Variants in APCDD1L observed in about 807,000 individuals in gnomAD.
APCDD1L encodes the protein protein APCDD1-like.
APCDD1L carries 21 observed loss-of-function variants against 24.2 expected under a neutral mutation model. The ratio of observed to expected loss-of-function variants is 0.87; its 90% CI spans 0.61 to 1.25. The LOEUF is 1.25. Ranked by LOEUF, APCDD1L falls within the 50% of genes most tolerant of loss-of-function variation. The pLI, the probability that APCDD1L is intolerant of heterozygous loss-of-function variation, is 0.00. For missense variants in APCDD1L, 704 were observed against 711.7 expected, an observed-to-expected ratio of 0.99 and a Z score of 0.12; for synonymous variants, 321 against 323.6, an observed-to-expected ratio of 0.99 and a Z score of 0.09.
chr20:58,468,061 C>T (rs1389042679), intron 2 of APCDD1L, among the ~76,000 whole-genome samples: 6 of 152,106 alleles, frequency 3.9e-5, no homozygotes, highest in Non-Finnish European at 7.4e-5. Context: ...AATGGAGGCC[C>T]GTCTTGTCTC....
chr20:58,514,984 C>T lies in APCDD1L; in HGVS notation c.-277G>A. 1 of 335,552 alleles carries T rather than the reference C, an allele frequency of 3.0e-6. No homozygotes were observed. The highest frequency in any genetic ancestry group is 5.4e-6 in the Non-Finnish European group (1 of 186,306). 20.8% of individuals were successfully genotyped at this position (335,552 alleles called of 1,614,324 possible). On this transcript the variant is annotated 5_prime_UTR_variant, in exon 1 of 4. Transcript: ENST00000371149. Reference sequence around the variant, plus strand: ...CGCACACCCGCGCAGCGCGCACAGCCCCCTGGTGCAGCTCCTGCCATTCAG... The same window carrying T: ...CGCACACCCGCGCAGCGCGCACAGCTCCCTGGTGCAGCTCCTGCCATTCAG...
intron 2 of APCDD1L, among the ~76,000 whole-genome samples, chr20:58,468,996 T>C (rs1291805958): frequency 6.6e-6 from 1 of 152,214 alleles, no homozygotes; most frequent in Non-Finnish European, 1.5e-5. Flanking sequence ...TCAGAGCTAA[T>C]GTGTCTTTAA....
At chr20:58,471,407 A>G (rs1989810267) in intron 1 of APCDD1L, among the ~76,000 whole-genome samples, 1 of 152,258 alleles carries the variant, frequency 6.6e-6, no homozygotes. Flanking sequence ...GTGTGAGGCC[A>G]AACAATGCAG....
intron 2 of APCDD1L, among the ~76,000 whole-genome samples, chr20:58,469,068 C>G (rs6026293): frequency 0.41 from 62,527 of 151,902 alleles, 13,212 homozygotes; most frequent in African/African-American, 0.46. Flanking sequence ...AACAGATCTA[C>G]AGAGGATTTA....
intron 2 of APCDD1L, 33 bp downstream of exon 2, chr20:58,470,576 G>A (rs1418292245): frequency 6.4e-7 from 1 of 1,562,892 alleles, no homozygotes; most frequent in Non-Finnish European, 8.7e-7. Context: ...TCCCAGTCCA[G>A]GGGTCCATGG....
At position 58,470,735 on chromosome 20, in the gene APCDD1L, G is replaced by T. The variant is rs112628550; in HGVS notation, c.62C>A (p.Pro21Gln). The stretch of plus-strand genomic sequence containing the variant: ...GCTGCCCCCGGCCTCCCCAGCCGCC[G>T]GTGCAGTGTGGGCTGCAAAGCAGAC... ...VLVLLGAHTA[P>Q]AAGEAGGSCL... The change falls in exon 2 of 4, where the codon CCG becomes CAG. Residue 21 changes from proline to glutamine, a missense_variant. Physicochemically the swap from Pro to Gln is moderately conservative, Grantham distance 76. Transcript: ENST00000371149. 8.5e-6 allele frequency: 13 copies of T among 1,537,854 alleles called. No individual in the cohort carries two copies. The highest frequency in any genetic ancestry group is 2.4e-5 in the East Asian group (1 of 40,964).
At chr20:58,491,359 CAA>C (rs1465603258) in intron 1 of APCDD1L, among the ~76,000 whole-genome samples, 4 of 152,110 alleles carry the variant, frequency 2.6e-5, no homozygotes, top group Non-Finnish European at 4.4e-5. Flanking sequence ...TGTAAAAACT[CAA>C]AATCTACAGA....
At chr20:58,466,230 A>G (rs913244996) in intron 3 of APCDD1L, among the ~76,000 whole-genome samples, 20 of 151,932 alleles carry the variant, frequency 1.3e-4, no homozygotes, top group Admixed American at 8.5e-4. Context: ...ATCAGCTTCA[A>G]TGAAATTCGT....
At chr20:58,480,814 T>G (rs1014223462) in intron 1 of APCDD1L, among the ~76,000 whole-genome samples, 28 of 152,186 alleles carry the variant, frequency 1.8e-4, no homozygotes, top group Admixed American at 1.2e-3. Context: ...ATAATGCTAA[T>G]TATTCTTGCT....
chr20:58,460,878 T>C lies in APCDD1L; in HGVS notation c.1418A>G (p.Gln473Arg). 6.3e-7 allele frequency: 1 copy of C among 1,593,624 alleles called. No individual in the cohort carries two copies. Among genetic ancestry groups the C allele is most frequent in the African/African-American group, 1.3e-5 (1 of 74,478 alleles). The part of the protein sequence containing the change: ...SRPPQHRPSL[Q>R]KHPSTGGLHI... ...AAGACCCCCTGTGCTGGGGTGCTTC[T>C]GCAGCGATGGCCTGTGCTGCGGTGG... Residue 473 changes from glutamine (Q) to arginine (R), a missense_variant, in exon 4 of 4, where the codon CAG (glutamine) becomes CGG (arginine). Physicochemically the swap from Gln to Arg is conservative, Grantham distance 43. Transcript: ENST00000371149. This position sits in a 1 kb window ranked among gnomAD's most constrained non-coding sequence, Gnocchi z 4.2.
chr20:58,464,696 T>C (rs971348148), intron 3 of APCDD1L, among the ~76,000 whole-genome samples: 6 of 152,202 alleles, frequency 3.9e-5, no homozygotes, highest in Non-Finnish European at 7.3e-5. Flanking sequence ...GGGGATCAAA[T>C]TGGTTTTAAA....
intron 1 of APCDD1L, among the ~76,000 whole-genome samples, chr20:58,472,266 A>C (rs1989826225): frequency 6.6e-6 from 1 of 152,098 alleles, no homozygotes; most frequent in African/African-American, 2.4e-5. Context: ...CTGGGTGTGG[A>C]CCCCTTGCTC....
intron 1 of APCDD1L, among the ~76,000 whole-genome samples, chr20:58,512,348 G>A (rs1990644120): frequency 6.6e-6 from 1 of 152,216 alleles, no homozygotes; most frequent in Non-Finnish European, 1.5e-5. Context: ...TCATACCAGT[G>A]ATTCTCAACT....
In APCDD1L at chr20:58,460,751, T is replaced by A; in HGVS notation, c.*39A>T. The A allele has an allele frequency of 1.3e-6, 2 of 1,506,840 alleles. No homozygotes were observed. Among genetic ancestry groups the A allele is most frequent in the Non-Finnish European group, 1.8e-6 (2 of 1,127,782 alleles). 93.3% of individuals were successfully genotyped at this position (1,506,840 alleles called of 1,614,324 possible). On this transcript the variant is annotated 3_prime_UTR_variant, in exon 4 of 4. Coordinates refer to ENST00000371149, the MANE Select transcript of APCDD1L (RefSeq NM_153360.3). This position sits in a 1 kb window ranked among gnomAD's most constrained non-coding sequence, Gnocchi z 4.2. Reference sequence around the variant, plus strand: ...CCAGGAGGGAGTCTGAAGGGTTGAATGGGTGTCCAGAGCCGCCATCCTGAT... The same window carrying A: ...CCAGGAGGGAGTCTGAAGGGTTGAAAGGGTGTCCAGAGCCGCCATCCTGAT...
intron 1 of APCDD1L, among the ~76,000 whole-genome samples, chr20:58,499,706 C>T (rs1305494388): frequency 1.3e-5 from 2 of 152,242 alleles, no homozygotes; most frequent in Non-Finnish European, 2.9e-5. Context: ...CCTTCACACC[C>T]TGCTTCCACC....
chr20:58,463,966 T>G (rs2123131492), intron 3 of APCDD1L, among the ~76,000 whole-genome samples: 1 of 151,840 alleles, frequency 6.6e-6, no homozygotes, highest in East Asian at 1.9e-4. Context: ...TTTCCTTGAT[T>G]TATATAATAT....
chr20:58,467,194 T>C lies in APCDD1L; in HGVS notation c.653A>G (p.Glu218Gly). The change falls in exon 3 of 4, where the codon GAG (glutamate) becomes GGG (glycine). Residue 218 changes from glutamate (E) to glycine (G), a missense_variant. Physicochemically the swap from Glu to Gly is moderately conservative, Grantham distance 98. Transcript: ENST00000371149. This position sits in a 1 kb window ranked among gnomAD's most constrained non-coding sequence, Gnocchi z 5.9. ...GGTGTGGATGTCCCCCAGGTACAGC[T>C]CCTCCACCAGCCGGGGCGACGCCCG... The part of the protein sequence containing the change: ...QPRASPRLVE[E>G]LYLGDIHTDP... The C allele has an allele frequency of 6.2e-7, 1 of 1,605,410 alleles. No individual in the cohort carries two copies. The highest frequency in any genetic ancestry group is 1.1e-5 in the South Asian group (1 of 90,982).
intron 3 of APCDD1L, among the ~76,000 whole-genome samples, chr20:58,464,359 T>C (rs935769610): frequency 1.3e-5 from 2 of 152,204 alleles, no homozygotes; most frequent in Non-Finnish European, 2.9e-5. Flanking sequence ...AGCAAAGTTT[T>C]AAGGTGAAAG....
chr20:58,488,082 G>A (rs1990157664), intron 1 of APCDD1L, among the ~76,000 whole-genome samples: 1 of 152,076 alleles, frequency 6.6e-6, no homozygotes, highest in African/African-American at 2.4e-5. Context: ...ACCATGATCT[G>A]GAAATATTAA....
Sources: allele counts gnomAD v4.1 joint callset (sites outside exome capture counted in the v4.1 genomes callset), GRCh38; gene constraint gnomAD v4.1.1; non-coding constraint Gnocchi (gnomAD v3.1); transcripts MANE v1.5; gene names NCBI Gene and HGNC (gene_info 2026-07-23, HGNC 2026-07-21).